The following ASTN2 variants were observed in gnomAD, a reference collection of about 807,000 sequenced individuals.
The protein encoded by ASTN2 is astrotactin-2.
In ASTN2, 54 loss-of-function variants were observed where a neutral mutation model predicts 139.8. The ratio of observed to expected loss-of-function variants is 0.39; its 90% CI spans 0.31 to 0.48. The LOEUF is 0.48. Among genes scored for constraint, ASTN2 ranks in the 20% least tolerant of loss-of-function variants. ASTN2 has a pLI of 0.95. For synonymous variants in ASTN2, 756 were observed against 719.5 expected, an observed-to-expected ratio of 1.05 and a Z score of -0.81; for missense variants, 1,565 against 1,725.1, an observed-to-expected ratio of 0.91 and a Z score of 1.64.
In ASTN2 at chr9:117,215,210, A is replaced by C. The variant is rs1832274710; in HGVS notation, c.631-468T>G. 2.6e-5 allele frequency among the ~76,000 whole-genome samples: 4 copies of C among 152,150 alleles called. No homozygotes were observed. In the South Asian group the frequency reaches 8.3e-4, roughly 32 times the overall value. On this transcript the variant is annotated intron_variant, in intron 2 of 22. Coordinates refer to ENST00000313400, the MANE Select transcript of ASTN2 (RefSeq NM_001365068.1). ...CCCCCAGCCTTGCTTCCTCATCTCT[A>C]GAATGAGTTAACTGAAAGATCATGA...
At chr9:116,872,914 C>A (rs1053507013) in intron 10 of ASTN2, among the ~76,000 whole-genome samples, 1 of 152,082 alleles carries the variant, frequency 6.6e-6, no homozygotes, top group African/African-American at 2.4e-5. Context: ...AGGAGCCAGG[C>A]TAGAGAAGAT....
chr9:116,721,081 G>T (rs967009927), intron 16 of ASTN2, among the ~76,000 whole-genome samples: 1 of 152,198 alleles, frequency 6.6e-6, no homozygotes, highest in African/African-American at 2.4e-5. Context: ...TGGGTGGAGG[G>T]CATGGGTTGG....
chr9:116,805,793 A>T lies in ASTN2; in HGVS notation c.2235T>A (p.Pro745=), dbSNP rs1203650856. The part of the protein sequence containing the change: ...CGCVEEYKLA[P]DGKSCLMLSD... ...AGAGCATTAAGCAGGATTTTCCATC[A>T]GGAGCCAGTTTGTACTCCTCCACGC... Residue 745 remains proline, a synonymous_variant, in exon 13 of 23, where the codon CCT becomes CCA. Coordinates refer to ENST00000313400, the MANE Select transcript of ASTN2 (RefSeq NM_001365068.1). 2 of 1,613,912 alleles carry T rather than the reference A, an allele frequency of 1.2e-6. No homozygotes were observed.
intron 2 of ASTN2, among the ~76,000 whole-genome samples, chr9:117,222,544 C>T (rs767579277): frequency 2.0e-5 from 3 of 152,170 alleles, no homozygotes; most frequent in Non-Finnish European, 4.4e-5. Flanking sequence ...GGCACTGTGG[C>T]TGCCAGGGAC....
chr9:116,880,183 C>T (rs1222975231), intron 10 of ASTN2, among the ~76,000 whole-genome samples: 1 of 152,072 alleles, frequency 6.6e-6, no homozygotes, highest in African/African-American at 2.4e-5. Flanking sequence ...GCTAACACAC[C>T]TATGTTTGTT....
intron 16 of ASTN2, among the ~76,000 whole-genome samples, chr9:116,718,989 T>TATATATATATATATATA (rs1467104824): frequency 1.4e-5 from 2 of 145,096 alleles, no homozygotes; most frequent in African/African-American, 5.1e-5. Context: ...TATATATATA[T>TATATATATATATATATA]ATCTGCCTAT....
At chr9:117,319,219 C>T (rs1210129545) in intron 1 of ASTN2, among the ~76,000 whole-genome samples, 2 of 152,166 alleles carry the variant, frequency 1.3e-5, no homozygotes, top group Non-Finnish European at 2.9e-5. Context: ...TTCCATGTGA[C>T]AATCTAATAC....
intron 5 of ASTN2, among the ~76,000 whole-genome samples, chr9:117,062,044 C>T (rs1198305391): frequency 6.6e-6 from 1 of 152,184 alleles, no homozygotes; most frequent in Admixed American, 6.5e-5. Context: ...AGTGGTGGAG[C>T]TGGGATCTCA....
At chr9:117,159,671 A>G (rs1830505655) in intron 3 of ASTN2, among the ~76,000 whole-genome samples, 1 of 152,106 alleles carries the variant, frequency 6.6e-6, no homozygotes, top group Admixed American at 6.6e-5. Flanking sequence ...TTCCCCATCA[A>G]GACAACTTCA....
intron 19 of ASTN2, among the ~76,000 whole-genome samples, chr9:116,606,152 G>A (rs1236989427): frequency 6.6e-6 from 1 of 152,130 alleles, no homozygotes; most frequent in Non-Finnish European, 1.5e-5. Context: ...TGACAGATTA[G>A]CGTGCGGGGC....
chr9:117,032,272 T>C (rs1236024683), intron 6 of ASTN2, among the ~76,000 whole-genome samples: 2 of 152,138 alleles, frequency 1.3e-5, no homozygotes, highest in Non-Finnish European at 1.5e-5. Context: ...TGGAGAGGAA[T>C]GTACAAGCAA....
At chr9:117,046,673 C>T (rs1225029565) in intron 5 of ASTN2, among the ~76,000 whole-genome samples, 1 of 152,190 alleles carries the variant, frequency 6.6e-6, no homozygotes. Context: ...CAAGTCATGT[C>T]ACATCTGAGA....
chr9:117,242,982 A>G (rs1333245053), intron 2 of ASTN2, among the ~76,000 whole-genome samples: 1 of 152,242 alleles, frequency 6.6e-6, no homozygotes, highest in African/African-American at 2.4e-5. Context: ...CATCATCGCC[A>G]TCGTCATCAT....
intron 13 of ASTN2, among the ~76,000 whole-genome samples, chr9:116,777,406 A>G (rs778785824): frequency 8.1e-4 from 124 of 152,304 alleles, no homozygotes; most frequent in Admixed American, 6.9e-3. Flanking sequence ...ACTGAAGGTC[A>G]GAGTGGGAGT....
intron 20 of ASTN2, among the ~76,000 whole-genome samples, chr9:116,484,229 G>A (rs1849264362): frequency 6.6e-6 from 1 of 152,154 alleles, no homozygotes; most frequent in South Asian, 2.1e-4. Context: ...CTGCCTATAT[G>A]CCAATAATTC....
chr9:116,999,042 C>A (rs1438466828), intron 7 of ASTN2, among the ~76,000 whole-genome samples: 1 of 152,096 alleles, frequency 6.6e-6, no homozygotes, highest in Non-Finnish European at 1.5e-5. Context: ...ATTTCATATC[C>A]TACTACAAAT....
At chr9:117,317,655 G>T (rs1587941956) in intron 1 of ASTN2, among the ~76,000 whole-genome samples, 1 of 152,164 alleles carries the variant, frequency 6.6e-6, no homozygotes, top group Non-Finnish European at 1.5e-5. Context: ...TCTTTTTAAA[G>T]ATGCTTTAAG....
In ASTN2 at chr9:116,593,206, C is replaced by T. The variant is rs972550153; in HGVS notation, c.3355+25118G>A. On this transcript the variant is annotated intron_variant, in intron 19 of 22. Coordinates refer to ENST00000313400, the MANE Select transcript of ASTN2 (RefSeq NM_001365068.1). The stretch of plus-strand genomic sequence containing the variant: ...CCTGAACCCCAGACAAGGCTGGGTG[C>T]GGTAACATCTGTGCTTTTGCAAGGG... 3.9e-5 allele frequency among the ~76,000 whole-genome samples: 6 copies of T among 152,130 alleles called. No individual in the cohort carries two copies. In the South Asian group the frequency reaches 1.0e-3, roughly 26 times the overall value.
chr9:116,996,576 A>G (rs1837022934), intron 7 of ASTN2, among the ~76,000 whole-genome samples: 1 of 152,080 alleles, frequency 6.6e-6, no homozygotes, highest in South Asian at 2.1e-4. Context: ...GAGTGAACCA[A>G]CTAAAGAATA....
Sources: gnomAD v4.1 joint callset for allele counts (sites outside exome capture counted in the v4.1 genomes callset) on GRCh38, gnomAD v4.1.1 for gene constraint, MANE v1.5 for transcripts, NCBI Gene and HGNC (gene_info 2026-07-23, HGNC 2026-07-21) for gene names.